Variants in RPS29 observed in about 807,000 individuals in gnomAD.
RPS29 encodes the protein ribosomal protein S29.
For synonymous variants in RPS29, 37 were observed against 26.9 expected (o/e 1.37, Z -1.16); for missense variants, 60 against 75.7 (o/e 0.79, Z 0.77).
At chr14:49,589,117 T>C (rs1881658805), upstream of RPS29, among the ~76,000 whole-genome samples, 1 of 151,916 alleles carries the variant, frequency 6.6e-6, no homozygotes, top group Admixed American at 6.6e-5. Context: ...ATGGTCTCGA[T>C]CTCCTGACCT....
upstream of RPS29, among the ~76,000 whole-genome samples, chr14:49,587,879 G>C (rs1225775752): frequency 6.6e-6 from 1 of 152,226 alleles, no homozygotes; most frequent in Admixed American, 6.5e-5. Context: ...AGAAGGGAAT[G>C]CCTGGTGAAA....
At chr14:49,571,773 G>A (rs765720414) in exon 3 of RPS29, 6 of 152,094 alleles carry the variant, frequency 3.9e-5, no homozygotes, top group East Asian at 3.8e-4. Flanking sequence ...TGAAAGCTTC[G>A]CATCCAGCGC....
chr14:49,584,545 T>C (rs898303510), intron 2 of RPS29, among the ~76,000 whole-genome samples: 1 of 151,946 alleles, frequency 6.6e-6, no homozygotes, highest in African/African-American at 2.4e-5. Flanking sequence ...CAGGCCCATC[T>C]CCTGAGGTCA....
chr14:49,590,553 T>C (rs1254880989), upstream of RPS29, among the ~76,000 whole-genome samples: 1 of 152,238 alleles, frequency 6.6e-6, no homozygotes, highest in Non-Finnish European at 1.5e-5. Context: ...AATAGAATCA[T>C]ACTTTTCCTC....
exon 3 of RPS29, chr14:49,574,124 T>C (rs1881120676): frequency 6.6e-6 from 1 of 152,226 alleles, no homozygotes; most frequent in Non-Finnish European, 1.5e-5. Context: ...TGGGCAACTG[T>C]TAGGGGTTTT....
At chr14:49,583,025 T>C (rs1450033230), downstream of RPS29, among the ~76,000 whole-genome samples, 1 of 152,182 alleles carries the variant, frequency 6.6e-6, no homozygotes, top group African/African-American at 2.4e-5. Flanking sequence ...TTTTTTTCTT[T>C]AAAGAGACAA....
At chr14:49,575,456 A>T (rs531848547) in exon 3 of RPS29, 4 of 152,224 alleles carry the variant, frequency 2.6e-5, no homozygotes, top group African/African-American at 9.6e-5. Context: ...CCACAAACAA[A>T]TAATGGGAAT....
chr14:49,580,179 G>C (rs1222247972), downstream of RPS29, among the ~76,000 whole-genome samples: 1 of 152,162 alleles, frequency 6.6e-6, no homozygotes, highest in Non-Finnish European at 1.5e-5. Flanking sequence ...AGACTCTCAT[G>C]ACCAAATCAA....
At chr14:49,598,550 T>G in exon 1 of RPS29, 1 of 702,310 alleles carries the variant, frequency 1.4e-6, no homozygotes, top group Non-Finnish European at 2.6e-6. Flanking sequence ...CTCGCTGGCT[T>G]ACGGGGCCAC....
downstream of RPS29, among the ~76,000 whole-genome samples, chr14:49,582,174 T>C (rs907108759): frequency 2.6e-5 from 4 of 152,196 alleles, no homozygotes; most frequent in African/African-American, 9.7e-5. Context: ...AGTGCACACC[T>C]GTTGTCCCAG....
downstream of RPS29, among the ~76,000 whole-genome samples, chr14:49,581,626 G>A (rs774647814): frequency 5.3e-5 from 8 of 151,976 alleles, no homozygotes; most frequent in African/African-American, 1.5e-4. Context: ...CTATTCTCCC[G>A]CCTAGGCCTC....
upstream of RPS29, among the ~76,000 whole-genome samples, chr14:49,588,613 C>T (rs1207913830): frequency 6.6e-6 from 1 of 152,008 alleles, no homozygotes; most frequent in Non-Finnish European, 1.5e-5. Flanking sequence ...CTGCAACCTG[C>T]ACCTCCTGGG....
At chr14:49,583,273 G>A (rs1029718037), downstream of RPS29, among the ~76,000 whole-genome samples, 34 of 152,276 alleles carry the variant, frequency 2.2e-4, no homozygotes, top group Admixed American at 1.6e-3. Context: ...ATTTCTTGCC[G>A]GGTGCGGTGG....
Position 49,583,620 on chromosome 14 carries a change from T to C in RPS29, c.*47A>G, listed in dbSNP as rs767314615. 22 of 1,574,696 alleles carry C rather than the reference T, an allele frequency of 1.4e-5. No homozygotes were observed. The highest frequency in any genetic ancestry group is 1.9e-5 in the Non-Finnish European group (22 of 1,164,418). On this transcript the variant is annotated 3_prime_UTR_variant, in exon 3 of 3. Transcript: ENST00000245458. ...TTTTATATACAAAGAATTATCATGG[T>C]TTTTCATTGAGTAGATGCCCCGGAT...
downstream of RPS29, among the ~76,000 whole-genome samples, chr14:49,582,479 A>G (rs531833839): frequency 5.3e-5 from 8 of 152,302 alleles, no homozygotes; most frequent in South Asian, 1.2e-3. Context: ...TGACCTCAAC[A>G]TCTAGCACAT....
chr14:49,598,630 C>A (rs552048643), exon 1 of RPS29: 2 of 701,214 alleles, frequency 2.9e-6, no homozygotes, highest in East Asian at 2.7e-5. Flanking sequence ...AACAGCGGCC[C>A]GACGTGCGCC....
chr14:49,586,827 T>C (rs1881591188), upstream of RPS29: 1 of 176,142 alleles, frequency 5.7e-6, no homozygotes, highest in East Asian at 1.3e-4. Flanking sequence ...GGATCGCGCC[T>C]GTGAATAGCC....
chr14:49,583,421 A>G (rs761051750), downstream of RPS29, among the ~76,000 whole-genome samples: 9 of 151,956 alleles, frequency 5.9e-5, no homozygotes, highest in Non-Finnish European at 1.2e-4. Flanking sequence ...TTGGAGGCTG[A>G]GGCAGGAGGC....
downstream of RPS29, among the ~76,000 whole-genome samples, chr14:49,583,395 G>A (rs1472744212): frequency 6.6e-6 from 1 of 151,962 alleles, no homozygotes; most frequent in Non-Finnish European, 1.5e-5. Flanking sequence ...ACTAAAAAGA[G>A]AAGAATTAGC....
Sources: gnomAD v4.1 joint callset for allele counts (sites outside exome capture counted in the v4.1 genomes callset) on GRCh38, gnomAD v4.1.1 for gene constraint, MANE v1.5 for transcripts, NCBI Gene and HGNC (gene_info 2026-07-23, HGNC 2026-07-21) for gene names.